RALGAPA2: variants seen among roughly 807,000 people sequenced by gnomAD.
The protein encoded by RALGAPA2 is Ral GTPase activating protein catalytic subunit alpha 2.
Under a neutral mutation model 230.4 loss-of-function variants are expected in RALGAPA2, and 139 were observed. The observed-to-expected ratio is 0.60, with a 90% CI of 0.53 to 0.69. The LOEUF (loss-of-function observed/expected upper bound fraction) is 0.69, where lower values mean the gene tolerates loss of function less well. RALGAPA2 is among the 30% of genes least tolerant of loss of function. The pLI is 0.00. For missense variants in RALGAPA2, 2,163 were observed against 2,276.0 expected (o/e 0.95, Z 1.01); for synonymous variants, 847 against 837.8 (o/e 1.01, Z -0.19).
chr20:20,601,103 A>G (rs111822619), intron 16 of RALGAPA2, among the ~76,000 whole-genome samples: 1 of 152,170 alleles, frequency 6.6e-6, no homozygotes, highest in Non-Finnish European at 1.5e-5. Context: ...CTGTCTCAAA[A>G]AAAAAGAAAA....
intron 37 of RALGAPA2, among the ~76,000 whole-genome samples, chr20:20,423,435 C>T (rs545893013): frequency 4.6e-5 from 7 of 152,224 alleles, no homozygotes; most frequent in East Asian, 3.9e-4. Flanking sequence ...ATGGAGGGAG[C>T]GGGAGACAGC....
chr20:20,570,244 C>A (rs1461953105), intron 23 of RALGAPA2, among the ~76,000 whole-genome samples: 1 of 152,118 alleles, frequency 6.6e-6, no homozygotes, highest in Non-Finnish European at 1.5e-5. Context: ...GTTATTATTT[C>A]ATATAAGAGT....
At chr20:20,430,587 T>C (rs949456226) in intron 37 of RALGAPA2, among the ~76,000 whole-genome samples, 9 of 152,258 alleles carry the variant, frequency 5.9e-5, no homozygotes, top group African/African-American at 2.2e-4. Flanking sequence ...CCTGATCAAG[T>C]ATACTGGTGA....
At chr20:20,501,609 C>G (rs548404837) in intron 35 of RALGAPA2, among the ~76,000 whole-genome samples, 2 of 152,186 alleles carry the variant, frequency 1.3e-5, no homozygotes, top group African/African-American at 2.4e-5. Context: ...AAGGCTATTT[C>G]GTTTTCTTTA....
At chr20:20,609,320 A>G (rs7344996) in intron 14 of RALGAPA2, among the ~76,000 whole-genome samples, 1 of 152,126 alleles carries the variant, frequency 6.6e-6, no homozygotes, top group Non-Finnish European at 1.5e-5. Context: ...TCTTAATTTA[A>G]GCATCCTTCT....
chr20:20,533,643 T>C (rs1048258588), intron 26 of RALGAPA2, among the ~76,000 whole-genome samples: 8 of 152,122 alleles, frequency 5.3e-5, no homozygotes, highest in African/African-American at 1.4e-4. Flanking sequence ...AAAAATTTAA[T>C]AAACACAATT....
intron 23 of RALGAPA2, among the ~76,000 whole-genome samples, chr20:20,553,507 G>A (rs1054624380): frequency 2.0e-5 from 3 of 152,182 alleles, no homozygotes; most frequent in Admixed American, 2.0e-4. Flanking sequence ...AGCTGTAATT[G>A]TAAGACTGCA....
intron 37 of RALGAPA2, among the ~76,000 whole-genome samples, chr20:20,463,590 C>T (rs1024202783): frequency 6.6e-6 from 1 of 152,076 alleles, no homozygotes; most frequent in Non-Finnish European, 1.5e-5. Flanking sequence ...AGACTTTTTT[C>T]TATGCTTCAT....
intron 9 of RALGAPA2, among the ~76,000 whole-genome samples, chr20:20,631,734 T>C (rs914419329): frequency 3.3e-5 from 5 of 152,222 alleles, no homozygotes; most frequent in Admixed American, 2.6e-4. Flanking sequence ...GAATCTGCAA[T>C]AGTGGCAGTA....
At position 20,629,320 on chromosome 20, in the gene RALGAPA2, AACAC is replaced by A. The variant is rs11467035; in HGVS notation, c.1233+39_1233+42del. The A allele has an allele frequency of 9.6e-3, 10,586 of 1,100,700 alleles. 63 individuals carry two copies. The highest frequency in any genetic ancestry group is 0.05 in the African/African-American group (3,121 of 62,832). The allele number at this position is 1,100,700 out of a possible 1,614,324, so 68.2% of individuals were successfully genotyped here. A position where few individuals can be genotyped will look rare whatever the true frequency, so the allele number is the denominator to read the frequency against. On this transcript the variant is annotated intron_variant, in intron 10 of 39. Transcript: ENST00000202677. ...AATCATTTCCATTTCAAGAACTTGTAACACACACACACACACACACACACACACA... is the reference window on the plus strand; with the variant it reads ...AATCATTTCCATTTCAAGAACTTGTAACACACACACACACACACACACACA...
chr20:20,499,237 T>G (rs1012612073), intron 35 of RALGAPA2, among the ~76,000 whole-genome samples: 1 of 152,180 alleles, frequency 6.6e-6, no homozygotes, highest in African/African-American at 2.4e-5. Flanking sequence ...GAATTTTGAT[T>G]ATTACAGTAG....
chr20:20,675,493 T>G (rs2068287587), intron 3 of RALGAPA2, among the ~76,000 whole-genome samples: 1 of 152,126 alleles, frequency 6.6e-6, no homozygotes. Flanking sequence ...CACACTAACC[T>G]AAGCCTACAC....
chr20:20,514,732 T>G (rs532434757), intron 31 of RALGAPA2, among the ~76,000 whole-genome samples: 1 of 152,232 alleles, frequency 6.6e-6, no homozygotes, highest in Admixed American at 6.5e-5. Flanking sequence ...TATCTCCAGG[T>G]AGCTGCAGTG....
At position 20,616,040 on chromosome 20, in the gene RALGAPA2, T is replaced by C. The variant is rs1406169306; in HGVS notation, c.1688+3A>G. 2 of 1,487,098 alleles carry C rather than the reference T, an allele frequency of 1.3e-6. No homozygotes were observed. The highest frequency in any genetic ancestry group is 5.3e-5 in the Admixed American group (2 of 37,982). The allele number at this position is 1,487,098 out of a possible 1,614,324, so 92.1% of individuals were successfully genotyped here. ...AATACTAATTAATTTGATATAAACT[T>C]ACCATGTCTTTTTATTCATTGTAAG... On this transcript the variant is annotated splice_donor_region_variant and intron_variant, in intron 13 of 39. Coordinates refer to ENST00000202677, the MANE Select transcript of RALGAPA2 (RefSeq NM_020343.4).
chr20:20,659,716 A>C lies in RALGAPA2; in HGVS notation c.271-6129T>G, dbSNP rs2067706252. On this transcript the variant is annotated intron_variant, in intron 3 of 39. Coordinates refer to ENST00000202677, the MANE Select transcript of RALGAPA2 (RefSeq NM_020343.4). ...CAACAGCAGCAGCGAGAGGATGAAC[A>C]AGTTATACACCTTGAAAGATGATGA... The C allele has an allele frequency of 1.2e-5, 7 of 592,478 alleles. 1 individual carries two copies. In the South Asian group the frequency reaches 1.2e-4, roughly 10 times the overall value. The allele number at this position is 592,478 out of a possible 1,614,324, so 36.7% of individuals were successfully genotyped here.
chr20:20,401,312 TG>T (rs1023780821), intron 38 of RALGAPA2, among the ~76,000 whole-genome samples: 1 of 152,096 alleles, frequency 6.6e-6, no homozygotes, highest in Non-Finnish European at 1.5e-5. Context: ...AAAAATCCCC[TG>T]GGGCACCCAG....
intron 23 of RALGAPA2, among the ~76,000 whole-genome samples, chr20:20,567,070 TA>T (rs1467618523): frequency 6.6e-6 from 1 of 152,232 alleles, no homozygotes; most frequent in Admixed American, 6.5e-5. Flanking sequence ...CTTTGATGTA[TA>T]ACAGACAAAT....
At chr20:20,685,530 T>TG (rs2068669794) in intron 1 of RALGAPA2, among the ~76,000 whole-genome samples, 1 of 152,204 alleles carries the variant, frequency 6.6e-6, no homozygotes, top group African/African-American at 2.4e-5. Context: ...TCCAGTGACC[T>TG]GCCCAAGGTA....
chr20:20,521,450 T>C (rs1602635377), intron 30 of RALGAPA2, among the ~76,000 whole-genome samples: 1 of 151,816 alleles, frequency 6.6e-6, no homozygotes, highest in South Asian at 2.1e-4. Flanking sequence ...CCAATCACGG[T>C]GGAGGGTGGA....
Sources: allele counts gnomAD v4.1 joint callset (sites outside exome capture counted in the v4.1 genomes callset), GRCh38; gene constraint gnomAD v4.1.1; transcripts MANE v1.5; gene names NCBI Gene and HGNC (gene_info 2026-07-23, HGNC 2026-07-21).